Variants in ARID4A observed in about 807,000 individuals in gnomAD.
ARID4A encodes AT-rich interaction domain 4A.
ARID4A carries 39 observed loss-of-function variants against 148.6 expected under a neutral mutation model. The ratio of observed to expected loss-of-function variants is 0.26; its 90% CI spans 0.20 to 0.34. The LOEUF (loss-of-function observed/expected upper bound fraction) is 0.34, where lower values mean the gene tolerates loss of function less well. ARID4A is among the 10% of genes least tolerant of loss of function. ARID4A has a pLI of 1.00. For synonymous variants in ARID4A, 475 were observed against 481.2 expected (o/e 0.99, Z 0.17); for missense variants, 1,265 against 1,449.1 (o/e 0.87, Z 2.06).
intron 11 of ARID4A, among the ~76,000 whole-genome samples, chr14:58,338,958 T>C (rs1203842339): frequency 8.6e-6 from 1 of 116,664 alleles, no homozygotes; most frequent in East Asian, 2.6e-4. Flanking sequence ...TATATAATTA[T>C]TAAAACTTTT....
chr14:58,341,654 C>T (rs1211598610), intron 11 of ARID4A, among the ~76,000 whole-genome samples: 2 of 152,076 alleles, frequency 1.3e-5, no homozygotes, highest in Admixed American at 1.3e-4. Flanking sequence ...TCATGGTAAC[C>T]ATTAGTAGAT....
chr14:58,317,926 G>C (rs1051871562), intron 5 of ARID4A, among the ~76,000 whole-genome samples: 2 of 151,558 alleles, frequency 1.3e-5, no homozygotes, highest in Non-Finnish European at 2.9e-5. Flanking sequence ...TTGAGGCCAG[G>C]AGTTTGAGAC....
chr14:58,300,299 G>A (rs1270633841), intron 2 of ARID4A, among the ~76,000 whole-genome samples: 1 of 152,032 alleles, frequency 6.6e-6, no homozygotes, highest in African/African-American at 2.4e-5. Context: ...AACTTATGTG[G>A]CTAAAATATT....
chr14:58,350,978 G>C, intron 15 of ARID4A, 95 bp from the exon 16 acceptor site: 1 of 1,305,550 alleles, frequency 7.7e-7, no homozygotes, highest in Non-Finnish European at 1.0e-6. Flanking sequence ...TCAAGCCAGA[G>C]ACATTGCTAT....
At chr14:58,317,569 C>T (rs1191262451) in intron 5 of ARID4A, among the ~76,000 whole-genome samples, 1 of 150,158 alleles carries the variant, frequency 6.7e-6, no homozygotes, top group Admixed American at 6.6e-5. Context: ...GGATTACAGA[C>T]GTGAGCCACC....
In ARID4A at chr14:58,301,586, G is replaced by C; in HGVS notation, c.13G>C (p.Asp5His). The C allele has an allele frequency of 1.2e-6, 2 of 1,613,662 alleles. No homozygotes were observed. The highest frequency in any genetic ancestry group is 1.7e-5 in the Admixed American group (1 of 59,986). The change falls in exon 3 of 24, where the codon GAT (aspartate) becomes CAT (histidine). Residue 5 changes from aspartate (D) to histidine (H), a missense_variant. This residue lies in a region of ARID4A where 22 missense variants were observed against 43.8 expected (regional missense o/e 0.50). Coordinates refer to ENST00000355431, the MANE Select transcript of ARID4A (RefSeq NM_002892.4). Reference protein sequence around the residue: MKAADEPAYLTVGTD... With the variant: MKAAHEPAYLTVGTD... The stretch of plus-strand genomic sequence containing the variant: ...TTTATGTTCCTTTCACCAGGCGGCA[G>C]ATGAGCCTGCCTACCTGACAGTGGG...
chr14:58,354,329 T>C (rs1209025644), intron 17 of ARID4A, among the ~76,000 whole-genome samples: 1 of 152,140 alleles, frequency 6.6e-6, no homozygotes, highest in Non-Finnish European at 1.5e-5. Context: ...CTAAGTCGAC[T>C]AATTAATAAA....
rs1350563945 is a variant in ARID4A at position 58,346,396 on chromosome 14, A to G, written c.980-15A>G. ...TTGAATAAACATTTTATTTCTACCTACTTACATTGAAAAGGTACTCCAATC... is the reference window on the plus strand; with the variant it reads ...TTGAATAAACATTTTATTTCTACCTGCTTACATTGAAAAGGTACTCCAATC... On this transcript the variant is annotated splice_polypyrimidine_tract_variant and intron_variant, in intron 12 of 23. Transcript: ENST00000355431. 3.9e-6 allele frequency: 6 copies of G among 1,535,162 alleles called. No homozygotes were observed. In the Admixed American group the frequency reaches 8.8e-5, roughly 23 times the overall value.
chr14:58,353,917 T>G, intron 17 of ARID4A, 62 bp downstream of exon 17: 1 of 1,406,714 alleles, frequency 7.1e-7, no homozygotes. Flanking sequence ...GAACATCAAC[T>G]TAATGTTATG....
chr14:58,335,800 C>A (rs1001051978), intron 11 of ARID4A, among the ~76,000 whole-genome samples: 5 of 152,200 alleles, frequency 3.3e-5, no homozygotes, highest in African/African-American at 1.2e-4. Context: ...ACCCCCTGTC[C>A]AATCAGATAC....
intron 2 of ARID4A, among the ~76,000 whole-genome samples, chr14:58,300,295 T>C (rs758643252): frequency 5.9e-5 from 9 of 152,234 alleles, no homozygotes; most frequent in Admixed American, 1.3e-4. Flanking sequence ...AATGAACTTA[T>C]GTGGCTAAAA....
chr14:58,309,842 G>A lies in ARID4A; in HGVS notation c.274+3730G>A, dbSNP rs547109884. Reference sequence around the variant, plus strand: ...CCTTGTAGTTACTGTTTTGAACATCGGTTATATCAGATTTTGTGTAAGTTC... The same window carrying A: ...CCTTGTAGTTACTGTTTTGAACATCAGTTATATCAGATTTTGTGTAAGTTC... On this transcript the variant is annotated intron_variant, in intron 5 of 23. Transcript: ENST00000355431. 5.9e-5 allele frequency among the ~76,000 whole-genome samples: 9 copies of A among 152,188 alleles called. No homozygotes were observed. In the South Asian group the frequency reaches 1.2e-3, roughly 21 times the overall value.
chr14:58,355,854 ATCTT>A (rs2034845486), intron 17 of ARID4A, among the ~76,000 whole-genome samples: 1 of 151,670 alleles, frequency 6.6e-6, no homozygotes, highest in African/African-American at 2.4e-5. Flanking sequence ...AATTTCCCCT[ATCTT>A]TCTTTCTCAT....
rs1271826575 is a variant in ARID4A, at chr14:58,373,571, G to A, written c.*1582G>A. 5.7e-6 allele frequency: 1 copy of A among 176,174 alleles called. No individual in the cohort carries two copies. Among genetic ancestry groups the A allele is most frequent in the Admixed American group, 6.3e-5 (1 of 15,760 alleles). 10.9% of individuals were successfully genotyped at this position (176,174 alleles called of 1,614,324 possible). ...TCTTAATTTCATTTTACTACATTGT[G>A]AACTTGTGATTCAGATTCCATTTTC... On this transcript the variant is annotated 3_prime_UTR_variant, in exon 24 of 24. Transcript: ENST00000355431.
chr14:58,353,574 A>G, intron 16 of ARID4A, 84 bp from the exon 17 acceptor site: 1 of 1,221,642 alleles, frequency 8.2e-7, no homozygotes, highest in Non-Finnish European at 1.2e-6. Context: ...TAGGTTGTGA[A>G]TAATCTACCT....
chr14:58,362,750 G>T (rs538494831), intron 19 of ARID4A, among the ~76,000 whole-genome samples: 8 of 151,954 alleles, frequency 5.3e-5, no homozygotes, highest in Non-Finnish European at 8.8e-5. Context: ...CAGCAATAGG[G>T]TTTTACTATG....
At chr14:58,331,546 C>T (rs1257689308) in intron 11 of ARID4A, 1 of 152,068 alleles carries the variant, frequency 6.6e-6, no homozygotes, top group East Asian at 1.9e-4. Context: ...GTTTAGTTAC[C>T]ATTTTGATTG....
At chr14:58,341,943 C>T (rs749688234) in intron 11 of ARID4A, among the ~76,000 whole-genome samples, 3 of 152,166 alleles carry the variant, frequency 2.0e-5, no homozygotes, top group African/African-American at 4.8e-5. Context: ...ATAACCCTCT[C>T]GCACTCCAAA....
chr14:58,328,437 G>T, intron 9 of ARID4A, 121 bp downstream of exon 9: 1 of 602,024 alleles, frequency 1.7e-6, no homozygotes, highest in Non-Finnish European at 2.8e-6. Flanking sequence ...GAACTGAGAA[G>T]TTGTTACCTA....
Sources: allele counts gnomAD v4.1 joint callset (sites outside exome capture counted in the v4.1 genomes callset), GRCh38; gene constraint gnomAD v4.1.1; regional missense constraint gnomAD v4.1.1; transcripts MANE v1.5; gene names NCBI Gene and HGNC (gene_info 2026-07-23, HGNC 2026-07-21).